The following FHIT variants were observed in gnomAD, a reference collection of about 807,000 sequenced individuals.
The protein encoded by FHIT is bis(5'-adenosyl)-triphosphatase.
FHIT carries 19 observed loss-of-function variants against 17.9 expected under a neutral mutation model. The ratio of observed to expected loss-of-function variants is 1.06; its 90% CI spans 0.74 to 1.56. The LOEUF is 1.56. FHIT is among the 40% of genes most tolerant of loss of function. FHIT has a pLI of 0.00. For synonymous variants in FHIT, 81 were observed against 69.7 expected, an observed-to-expected ratio of 1.16 and a Z score of -0.81; for missense variants, 248 against 189.2, an observed-to-expected ratio of 1.31 and a Z score of -1.82.
chr3:60,070,963 T>G (rs898715025), intron 5 of FHIT, among the ~76,000 whole-genome samples: 1 of 152,256 alleles, frequency 6.6e-6, no homozygotes, highest in Non-Finnish European at 1.5e-5. Context: ...GACTAGTTTA[T>G]GGTTAACAAA....
intron 8 of FHIT, among the ~76,000 whole-genome samples, chr3:59,920,967 G>C (rs1705371341): frequency 6.6e-6 from 1 of 152,140 alleles, no homozygotes; most frequent in Non-Finnish European, 1.5e-5. Flanking sequence ...ACTGATTCCT[G>C]AGTGCTGTGC....
At chr3:60,506,970 G>A (rs1325151208) in intron 5 of FHIT, among the ~76,000 whole-genome samples, 1 of 152,074 alleles carries the variant, frequency 6.6e-6, no homozygotes, top group Non-Finnish European at 1.5e-5. Context: ...GTAAAACATA[G>A]TGCTGAAGTT....
At chr3:60,107,875 A>T (rs902167278) in intron 5 of FHIT, among the ~76,000 whole-genome samples, 4 of 152,220 alleles carry the variant, frequency 2.6e-5, no homozygotes, top group Non-Finnish European at 5.9e-5. Flanking sequence ...TTATAAATAC[A>T]GGAAAGAATA....
At chr3:61,104,894 T>C (rs2035945594) in intron 2 of FHIT, among the ~76,000 whole-genome samples, 1 of 152,194 alleles carries the variant, frequency 6.6e-6, no homozygotes, top group Non-Finnish European at 1.5e-5. Context: ...GAAATTACTA[T>C]AGTGTATTTT....
At chr3:61,092,120 G>A (rs1327411387) in intron 2 of FHIT, among the ~76,000 whole-genome samples, 26 of 151,462 alleles carry the variant, frequency 1.7e-4, no homozygotes, top group Non-Finnish European at 3.4e-4. Context: ...GTGGGGGTAG[G>A]GGGGTGGGGT....
rs200712282 is a variant in FHIT at position 60,860,487 on chromosome 3, GT to G, written c.-110-38477del. Among the ~76,000 whole-genome samples the G allele has an allele frequency of 3.7e-3, 462 of 125,442 alleles. 17 individuals carry two copies. The highest frequency in any genetic ancestry group is 0.013 in the African/African-American group (429 of 32,868). 82.3% of individuals were successfully genotyped at this position (125,442 alleles called of 152,430 possible). ...ATATATATGTATATATGATACATAT[GT>G]ATCATATATATCAGGTATATATGAT... On this transcript the variant is annotated intron_variant, in intron 3 of 9. Coordinates refer to ENST00000492590, the MANE Select transcript of FHIT (RefSeq NM_002012.4).
At chr3:61,117,244 C>A (rs2036323919) in intron 2 of FHIT, among the ~76,000 whole-genome samples, 1 of 152,152 alleles carries the variant, frequency 6.6e-6, no homozygotes, top group Non-Finnish European at 1.5e-5. Context: ...CAACATGAGA[C>A]ATGATTTAAT....
chr3:60,257,632 C>G (rs775518985), intron 5 of FHIT, among the ~76,000 whole-genome samples: 1 of 152,080 alleles, frequency 6.6e-6, no homozygotes. Context: ...AGGAGGAGGA[C>G]AAGGAAGGTG....
At chr3:60,408,194 A>G (rs545717511) in intron 5 of FHIT, among the ~76,000 whole-genome samples, 2 of 152,198 alleles carry the variant, frequency 1.3e-5, no homozygotes, top group African/African-American at 4.8e-5. Flanking sequence ...GCTAGGTTGT[A>G]ACGGCCCACT....
At chr3:61,092,943 G>T (rs1192254624) in intron 2 of FHIT, among the ~76,000 whole-genome samples, 2 of 152,096 alleles carry the variant, frequency 1.3e-5, no homozygotes, top group Non-Finnish European at 1.5e-5. Context: ...AAAATATACA[G>T]AGTCTGATTA....
At chr3:60,200,187 A>C (rs964878904) in intron 5 of FHIT, among the ~76,000 whole-genome samples, 6 of 152,144 alleles carry the variant, frequency 3.9e-5, no homozygotes, top group African/African-American at 1.4e-4. Context: ...CAGGCTATAA[A>C]GGCAGAGACA....
At chr3:59,878,265 C>A (rs913907207) in intron 8 of FHIT, among the ~76,000 whole-genome samples, 3 of 152,004 alleles carry the variant, frequency 2.0e-5, no homozygotes, top group African/African-American at 7.2e-5. Context: ...ATTTAAAAAC[C>A]AACTACACTT....
At chr3:60,013,857 G>A (rs368199969) in intron 6 of FHIT, 150 bp downstream of exon 6, 19 of 748,296 alleles carry the variant, frequency 2.5e-5, no homozygotes, top group Admixed American at 1.6e-4. Context: ...GGACAGTAGG[G>A]TTGCCCTGCA....
intron 5 of FHIT, among the ~76,000 whole-genome samples, chr3:60,387,306 G>A (rs1441276676): frequency 1.3e-5 from 2 of 152,078 alleles, no homozygotes; most frequent in African/African-American, 2.4e-5. Flanking sequence ...ATTCTTTAAT[G>A]TCTCCCACAC....
intron 5 of FHIT, among the ~76,000 whole-genome samples, chr3:60,309,055 A>C (rs1454892550): frequency 2.6e-5 from 4 of 152,156 alleles, no homozygotes; most frequent in African/African-American, 4.8e-5. Flanking sequence ...TCTGGTAAAC[A>C]GGATTCATTA....
intron 3 of FHIT, among the ~76,000 whole-genome samples, chr3:60,825,068 T>C (rs67739638): frequency 0.058 from 8,861 of 152,224 alleles, 307 homozygotes; most frequent in South Asian, 0.11. Context: ...GTCCAAGATA[T>C]GAGAAAAAAT....
At chr3:59,961,440 C>T (rs1159485951) in intron 7 of FHIT, among the ~76,000 whole-genome samples, 1 of 152,126 alleles carries the variant, frequency 6.6e-6, no homozygotes, top group African/African-American at 2.4e-5. Context: ...TTTGAATTAT[C>T]TGAAATCCAC....
intron 5 of FHIT, among the ~76,000 whole-genome samples, chr3:60,302,743 C>A (rs1708503549): frequency 6.6e-6 from 1 of 152,076 alleles, no homozygotes; most frequent in Admixed American, 6.6e-5. Context: ...AGGCTGAGCT[C>A]CTTTATCAAA....
intron 8 of FHIT, among the ~76,000 whole-genome samples, chr3:59,817,265 G>C (rs958698540): frequency 6.6e-6 from 1 of 152,102 alleles, no homozygotes; most frequent in South Asian, 2.1e-4. Flanking sequence ...ATCCCAGATA[G>C]GTTATTTGCT....
Sources: gnomAD v4.1 joint callset for allele counts (sites outside exome capture counted in the v4.1 genomes callset) on GRCh38, gnomAD v4.1.1 for gene constraint, MANE v1.5 for transcripts, NCBI Gene and HGNC (gene_info 2026-07-23, HGNC 2026-07-21) for gene names.